RAD51D: variants seen among roughly 807,000 people sequenced by gnomAD.
The protein encoded by RAD51D is RAD51 paralog D.
In RAD51D, 38 loss-of-function variants were observed where a neutral mutation model predicts 44.1. The observed-to-expected ratio is 0.86, with a 90% CI of 0.67 to 1.13. RAD51D has a LOEUF of 1.13. Among genes scored for constraint, RAD51D ranks in the 50% most tolerant of loss-of-function variants. The pLI is 0.00. For synonymous variants in RAD51D, 141 were observed against 166.6 expected (o/e 0.85, Z 1.18); for missense variants, 390 against 414.0 (o/e 0.94, Z 0.50).
At position 35,093,305 on chromosome 17, in the gene RAD51D, T is replaced by C. The variant is rs1439214982; in HGVS notation, c.*7648A>G. 6.6e-6 allele frequency: 1 copy of C among 152,218 alleles called. No homozygotes were observed. Among genetic ancestry groups the C allele is most frequent in the Admixed American group, 6.5e-5 (1 of 15,286 alleles). The allele number at this position is 152,218 out of a possible 1,614,324, so 9.4% of individuals were successfully genotyped here. On this transcript the variant is annotated 3_prime_UTR_variant, in exon 10 of 10. Transcript: ENST00000345365. ...CATCCATTGTTATATGGCAAGTAAATGTCAAAGCTAGGACCAAGTTAGTTG... is the reference window on the plus strand; with the variant it reads ...CATCCATTGTTATATGGCAAGTAAACGTCAAAGCTAGGACCAAGTTAGTTG...
At chr17:35,102,695 G>T (rs1200026921) in intron 8 of RAD51D, among the ~76,000 whole-genome samples, 2 of 151,878 alleles carry the variant, frequency 1.3e-5, no homozygotes, top group Admixed American at 6.6e-5. Flanking sequence ...AAAAAGTATT[G>T]TATGGAGATA....
rs201141245 is a variant in RAD51D at position 35,107,074 on chromosome 17, C to T, written c.394G>A (p.Val132Ile). The change falls in exon 5 of 10, where the codon GTC becomes ATC. Residue 132 changes from valine to isoleucine, a missense_variant. Physicochemically the swap from Val to Ile is conservative, Grantham distance 29. Coordinates refer to ENST00000345365, the MANE Select transcript of RAD51D (RefSeq NM_002878.4). The stretch of plus-strand genomic sequence containing the variant: ...CCTCCATTGGAATCTACATATAGGA[C>T]GTTTTGCTGCAGGCCATGGGCCACA... ...ANVAHGLQQN[V>I]LYVDSNGGLT... 4.5e-5 allele frequency: 72 copies of T among 1,614,046 alleles called. No homozygotes were observed. The Middle Eastern group carries it at 5.0e-4, about 11-fold the overall frequency.
intron 3 of RAD51D, among the ~76,000 whole-genome samples, chr17:35,108,375 A>C (rs982543421): frequency 6.6e-6 from 1 of 152,058 alleles, no homozygotes; most frequent in African/African-American, 2.4e-5. Context: ...ACTGTACTAC[A>C]AAATGTATTG....
intron 2 of RAD51D, 84 bp downstream of exon 2, chr17:35,119,027 G>T: frequency 7.5e-7 from 1 of 1,337,952 alleles, no homozygotes. Flanking sequence ...TGGGATTACA[G>T]GCATGAGCCA....
rs2091509782 is a variant in RAD51D, at chr17:35,099,347, A to C, written c.*1606T>G. On this transcript the variant is annotated 3_prime_UTR_variant, in exon 10 of 10. Transcript: ENST00000345365. ...AAACACTTTGACTTCCACAAAAAAG[A>C]GTGCTTGTGCCCGATTGGTCATGTC... The C allele has an allele frequency of 6.1e-6, 1 of 165,254 alleles. No individual in the cohort carries two copies. The highest frequency in any genetic ancestry group is 1.3e-5 in the Non-Finnish European group (1 of 74,436). 10.2% of individuals were successfully genotyped at this position (165,254 alleles called of 1,614,324 possible). A position where few individuals can be genotyped will look rare whatever the true frequency, so the allele number is the denominator to read the frequency against.
rs926719928 is a variant in RAD51D, at chr17:35,099,789, T to C, written c.*1164A>G. On this transcript the variant is annotated 3_prime_UTR_variant, in exon 10 of 10. Transcript: ENST00000345365. Reference sequence around the variant, plus strand: ...AGATGTGGCCAGTAACCAATCCTGATCATTTCTGTACTTTTCCTTTTATTT... The same window carrying C: ...AGATGTGGCCAGTAACCAATCCTGACCATTTCTGTACTTTTCCTTTTATTT... The C allele has an allele frequency of 6.5e-6, 3 of 461,506 alleles. No homozygotes were observed. Among genetic ancestry groups the C allele is most frequent in the Non-Finnish European group, 1.3e-5 (3 of 233,394 alleles). The allele number at this position is 461,506 out of a possible 1,614,324, so 28.6% of individuals were successfully genotyped here.
chr17:35,118,767 G>C (rs45517832), intron 2 of RAD51D, 148 bp from the exon 3 acceptor site: 3 of 739,826 alleles, frequency 4.1e-6, no homozygotes, highest in African/African-American at 3.4e-5. Context: ...GTTTCAGACA[G>C]GGTCTCACTC....
At position 35,095,063 on chromosome 17, in the gene RAD51D, T is replaced by A. The variant is rs1241199546; in HGVS notation, c.*5890A>T. On this transcript the variant is annotated 3_prime_UTR_variant, in exon 10 of 10. Transcript: ENST00000345365. Reference sequence around the variant, plus strand: ...CTATTTCCTAGTTGGTTTGAGTCAATCACAGCAGTCCCTTTTTCTTGCCAG... The same window carrying A: ...CTATTTCCTAGTTGGTTTGAGTCAAACACAGCAGTCCCTTTTTCTTGCCAG... The A allele has an allele frequency of 6.6e-6, 1 of 152,264 alleles. No homozygotes were observed. The highest frequency in any genetic ancestry group is 1.5e-5 in the Non-Finnish European group (1 of 68,074). 9.4% of individuals were successfully genotyped at this position (152,264 alleles called of 1,614,324 possible).
At chr17:35,119,062 A>T (rs1160146020) in intron 2 of RAD51D, 49 bp downstream of exon 2, 2 of 1,571,060 alleles carry the variant, frequency 1.3e-6, no homozygotes, top group South Asian at 1.1e-5. Context: ...CTTGGGATGG[A>T]CTTTTTAAAA....
In RAD51D at chr17:35,101,261, G is replaced by A. The variant is rs754455433; in HGVS notation, c.843C>T (p.Ile281=). The change falls in exon 9 of 10, where the codon ATC becomes ATT. Residue 281 remains isoleucine (I), a synonymous_variant. Coordinates refer to ENST00000345365, the MANE Select transcript of RAD51D (RefSeq NM_002878.4). ...GGCCGCCTGATGCTCCTGCTCCCTC[G>A]ATGGTGTCCAGGAGAATCCGAGTGC... is the stretch of plus-strand genomic sequence containing the variant. ...VPSTRILLDT[I]EGAGASGGRR... 6.8e-6 allele frequency: 11 copies of A among 1,614,132 alleles called. No individual in the cohort carries two copies. Among genetic ancestry groups the A allele is most frequent in the Admixed American group, 3.3e-5 (2 of 60,014 alleles).
At position 35,098,604 on chromosome 17, in the gene RAD51D, C is replaced by A. The variant is rs375400143; in HGVS notation, c.*2349G>T. 4.6e-5 allele frequency: 7 copies of A among 152,062 alleles called. No individual in the cohort carries two copies. The highest frequency in any genetic ancestry group is 1.7e-4 in the African/African-American group (7 of 41,400). 9.4% of individuals were successfully genotyped at this position (152,062 alleles called of 1,614,324 possible). A position where few individuals can be genotyped will look rare whatever the true frequency, so the allele number is the denominator to read the frequency against. ...TATTTTTAGTACAGACGGGGTTTCACCATGTTGGTCAGGCTGGTCTGGAAC... is the reference window on the plus strand; with the variant it reads ...TATTTTTAGTACAGACGGGGTTTCAACATGTTGGTCAGGCTGGTCTGGAAC... On this transcript the variant is annotated 3_prime_UTR_variant, in exon 10 of 10. Coordinates refer to ENST00000345365, the MANE Select transcript of RAD51D (RefSeq NM_002878.4).
intron 3 of RAD51D, among the ~76,000 whole-genome samples, chr17:35,111,095 C>T (rs2091669603): frequency 6.7e-6 from 1 of 149,692 alleles, no homozygotes; most frequent in East Asian, 2.0e-4. Context: ...GAGAGAAACT[C>T]AGGCCAGGCG....
At position 35,092,233 on chromosome 17, in the gene RAD51D, T is replaced by C. The variant is rs1184970077; in HGVS notation, c.*8720A>G. The C allele has an allele frequency of 6.6e-6, 1 of 152,232 alleles. No homozygotes were observed. The highest frequency in any genetic ancestry group is 2.4e-5 in the African/African-American group (1 of 41,448). The allele number at this position is 152,232 out of a possible 1,614,324, so 9.4% of individuals were successfully genotyped here. ...TTTATAGGAGCTGTTTACTTGGACATATTTTTATTATTTCTACTCATTTGC... is the reference window on the plus strand; with the variant it reads ...TTTATAGGAGCTGTTTACTTGGACACATTTTTATTATTTCTACTCATTTGC... On this transcript the variant is annotated 3_prime_UTR_variant, in exon 10 of 10. Coordinates refer to ENST00000345365, the MANE Select transcript of RAD51D (RefSeq NM_002878.4).
intron 2 of RAD51D, 21 bp from the exon 3 acceptor site, chr17:35,118,640 G>A (rs2142475137): frequency 6.3e-7 from 1 of 1,591,388 alleles, no homozygotes. Context: ...GCCCCAGACT[G>A]CTCAGCAACA....
chr17:35,101,129 G>A (rs776593682), intron 9 of RAD51D, 72 bp downstream of exon 9: 16 of 1,611,074 alleles, frequency 9.9e-6, no homozygotes, highest in Admixed American at 1.7e-5. Context: ...AGTTCTTCTC[G>A]AAGACATCTG....
At chr17:35,113,544 T>C (rs1192873902) in intron 3 of RAD51D, 4 of 442,092 alleles carry the variant, frequency 9.0e-6, no homozygotes, top group African/African-American at 6.1e-5. Context: ...GCTGGGATTA[T>C]AGGCATGAGC....
Position 35,097,648 on chromosome 17 carries a change from G to C in RAD51D, c.*3305C>G, listed in dbSNP as rs182153603. 13 of 152,158 alleles carry C rather than the reference G, an allele frequency of 8.5e-5. No homozygotes were observed. Among genetic ancestry groups the C allele is most frequent in the African/African-American group, 3.1e-4 (13 of 41,522 alleles). 9.4% of individuals were successfully genotyped at this position (152,158 alleles called of 1,614,324 possible). ...CTTTATGGAAGGAACCCCTGAGATA[G>C]AGCCAGTCCTTTGCTTTTTTAAAAT... On this transcript the variant is annotated 3_prime_UTR_variant, in exon 10 of 10. Transcript: ENST00000345365.
Position 35,109,842 on chromosome 17 carries a change from T to A in RAD51D, c.264-2395A>T, listed in dbSNP as rs187126171. On this transcript the variant is annotated intron_variant, in intron 3 of 9. Transcript: ENST00000345365. ...ACCACCACGCCTGGCTAATTTTGTA[T>A]TTTTAGTAGAGACGAGGTTTCTTCA... is the stretch of plus-strand genomic sequence containing the variant. Among the ~76,000 whole-genome samples the A allele has an allele frequency of 4.6e-5, 7 of 152,230 alleles. No homozygotes were observed. The East Asian group carries it at 1.3e-3, about 29-fold the overall frequency.
intron 8 of RAD51D, 149 bp from the exon 9 acceptor site, chr17:35,101,514 G>C: frequency 1.2e-6 from 1 of 868,244 alleles, no homozygotes; most frequent in East Asian, 2.6e-5. Context: ...TCTGGAACTA[G>C]AACCTGGGCC....
Sources: gnomAD v4.1 joint callset for allele counts (sites outside exome capture counted in the v4.1 genomes callset) on GRCh38, gnomAD v4.1.1 for gene constraint, MANE v1.5 for transcripts, NCBI Gene and HGNC (gene_info 2026-07-23, HGNC 2026-07-21) for gene names.